Variants in TGS1 observed in about 807,000 individuals in gnomAD.
The protein encoded by TGS1 is trimethylguanosine synthase.
Under a neutral mutation model 92.2 loss-of-function variants are expected in TGS1, and 69 were observed. The observed-to-expected ratio is 0.75, with a 90% CI of 0.62 to 0.91. TGS1 has a LOEUF of 0.91. Ranked by LOEUF, TGS1 falls within the 40% of genes least tolerant of loss-of-function variation. TGS1 has a pLI of 0.00. For missense variants in TGS1, 1,062 were observed against 1,001.2 expected, an observed-to-expected ratio of 1.06 and a Z score of -0.82; for synonymous variants, 345 against 338.1, an observed-to-expected ratio of 1.02 and a Z score of -0.22.
At chr8:55,774,205 T>C (rs1339750144) in intron 1 of TGS1, among the ~76,000 whole-genome samples, 1 of 152,238 alleles carries the variant, frequency 6.6e-6, no homozygotes, top group Non-Finnish European at 1.5e-5. Flanking sequence ...ATATCTTTAT[T>C]TTGGGGAAAT....
intron 5 of TGS1, among the ~76,000 whole-genome samples, chr8:55,791,768 C>A (rs545927206): frequency 2.6e-5 from 4 of 151,942 alleles, no homozygotes; most frequent in Admixed American, 6.6e-5. Flanking sequence ...AATAAAAGTT[C>A]TTTTTTTTGG....
intron 1 of TGS1, among the ~76,000 whole-genome samples, chr8:55,782,023 T>A (rs1474790718): frequency 2.6e-5 from 4 of 152,196 alleles, no homozygotes; most frequent in African/African-American, 9.7e-5. Context: ...AATGGATTAG[T>A]GTCTGCATAT....
rs764895274 is a variant in TGS1, at chr8:55,786,489, A to T, written c.591A>T (p.Lys197Asn). 3.1e-6 allele frequency: 5 copies of T among 1,614,014 alleles called. No homozygotes were observed. In the African/African-American group the frequency reaches 6.7e-5, roughly 22 times the overall value. Residue 197 changes from lysine to asparagine, a missense_variant, in exon 4 of 13, where the codon AAA becomes AAT. Coordinates refer to ENST00000260129, the MANE Select transcript of TGS1 (RefSeq NM_024831.8). ...TLSPKLEITE[K>N]WEKYWNEYGG... ...CTCCAAAGCTAGAAATTACAGAGAA[A>T]TGGGAAAAGTATTGGAATGAATATG...
rs1443256080 is a variant in TGS1, at chr8:55,800,096, C to A, written c.1849+876C>A. Among the ~76,000 whole-genome samples, 6 of 151,772 alleles carry A rather than the reference C, an allele frequency of 4.0e-5. No homozygotes were observed. In the East Asian group the frequency reaches 1.2e-3, roughly 29 times the overall value. ...ATGAAACCATTATATTTATTGTGAT[C>A]CTTCATCATATTTCTTTATTACTAT... On this transcript the variant is annotated intron_variant, in intron 8 of 12. Coordinates refer to ENST00000260129, the MANE Select transcript of TGS1 (RefSeq NM_024831.8).
rs555909473 is a variant in TGS1 at position 55,809,321 on chromosome 8, G to A, written c.2144-1560G>A. ...TCCAGTAGTTTAGCAACAGTACTGC[G>A]TGGTAGAACTCTTTGTGATGACTTA... On this transcript the variant is annotated intron_variant, in intron 10 of 12. Transcript: ENST00000260129. Among the ~76,000 whole-genome samples the A allele has an allele frequency of 3.3e-5, 5 of 152,294 alleles. No individual in the cohort carries two copies. In the East Asian group the frequency reaches 5.8e-4, roughly 18 times the overall value.
chr8:55,788,981 C>G (rs745353302), intron 4 of TGS1, among the ~76,000 whole-genome samples: 3 of 152,126 alleles, frequency 2.0e-5, no homozygotes, highest in Non-Finnish European at 2.9e-5. Context: ...CCTTCTGTTG[C>G]TTGTTCCCTT....
intron 6 of TGS1, among the ~76,000 whole-genome samples, chr8:55,795,647 T>C (rs1289036195): frequency 6.6e-6 from 1 of 152,228 alleles, no homozygotes; most frequent in Non-Finnish European, 1.5e-5. Context: ...ATATTTATAT[T>C]TCCCTAACAA....
At chr8:55,789,282 A>G (rs1217041294) in intron 4 of TGS1, among the ~76,000 whole-genome samples, 1 of 152,202 alleles carries the variant, frequency 6.6e-6, no homozygotes, top group Non-Finnish European at 1.5e-5. Context: ...TTTGTGCCTC[A>G]GTTTTTGTCA....
intron 12 of TGS1, among the ~76,000 whole-genome samples, chr8:55,821,870 A>G (rs1803648516): frequency 6.6e-6 from 1 of 151,696 alleles, no homozygotes; most frequent in South Asian, 2.1e-4. Flanking sequence ...GCGAGACTCC[A>G]TCTCAAAAAA....
intron 2 of TGS1, among the ~76,000 whole-genome samples, chr8:55,783,855 G>A (rs188691078): frequency 6.6e-6 from 1 of 152,270 alleles, no homozygotes; most frequent in African/African-American, 2.4e-5. Context: ...TACAAATAAA[G>A]TTCCTATAAC....
At chr8:55,814,657 C>CT (rs1370858095) in intron 12 of TGS1, among the ~76,000 whole-genome samples, 159 of 106,530 alleles carry the variant, frequency 1.5e-3, no homozygotes, top group African/African-American at 6.5e-3. Flanking sequence ...CCCGTCTCTA[C>CT]TTAAAAAAAA....
intron 2 of TGS1, among the ~76,000 whole-genome samples, chr8:55,785,300 C>T (rs1034971856): frequency 4.6e-5 from 7 of 152,150 alleles, no homozygotes; most frequent in Non-Finnish European, 1.0e-4. Context: ...AAGTGATCCG[C>T]CTGCCTCAGC....
chr8:55,818,355 T>A (rs1323867921), intron 12 of TGS1, among the ~76,000 whole-genome samples: 1 of 152,166 alleles, frequency 6.6e-6, no homozygotes, highest in Non-Finnish European at 1.5e-5. Context: ...TATTTTTTTG[T>A]AGAGATGGGG....
intron 2 of TGS1, among the ~76,000 whole-genome samples, chr8:55,785,079 T>G (rs755356969): frequency 6.6e-6 from 1 of 151,788 alleles, no homozygotes; most frequent in Non-Finnish European, 1.5e-5. Context: ...TTTGTTTTTT[T>G]TTTGAGACAG....
intron 9 of TGS1, among the ~76,000 whole-genome samples, chr8:55,802,879 A>C (rs1487592659): frequency 6.6e-6 from 1 of 152,236 alleles, no homozygotes; most frequent in African/African-American, 2.4e-5. Flanking sequence ...ATAGTGAATT[A>C]TCAACTTAAC....
rs1002595609 is a variant in TGS1, at chr8:55,792,792, T to C, written c.1367+8T>C. On this transcript the variant is annotated splice_region_variant and intron_variant, in intron 6 of 12. Coordinates refer to ENST00000260129, the MANE Select transcript of TGS1 (RefSeq NM_024831.8). The stretch of plus-strand genomic sequence containing the variant: ...GTATGGCTCAGGACAAAAGTAATTA[T>C]TCATAAAAGCTATTGTTTTCCAGAA... The C allele has an allele frequency of 1.3e-6, 2 of 1,598,314 alleles. No homozygotes were observed. Among genetic ancestry groups the C allele is most frequent in the African/African-American group, 2.7e-5 (2 of 74,588 alleles).
intron 12 of TGS1, among the ~76,000 whole-genome samples, chr8:55,813,424 T>G (rs77838741): frequency 0.014 from 2,058 of 152,280 alleles, 47 homozygotes; most frequent in African/African-American, 0.046. Context: ...TTTTTATTTG[T>G]TTCAGCCTGG....
chr8:55,811,634 G>A (rs1007615372), intron 11 of TGS1, among the ~76,000 whole-genome samples: 3 of 151,634 alleles, frequency 2.0e-5, no homozygotes, highest in East Asian at 3.9e-4. Flanking sequence ...GGTGGCACGC[G>A]CCTGTACTCC....
intron 10 of TGS1, among the ~76,000 whole-genome samples, chr8:55,808,888 C>T (rs749188085): frequency 2.0e-5 from 3 of 152,182 alleles, no homozygotes; most frequent in Non-Finnish European, 4.4e-5. Flanking sequence ...GTTATCAATA[C>T]TCCTCCTAGT....
Sources: allele counts gnomAD v4.1 joint callset (sites outside exome capture counted in the v4.1 genomes callset), GRCh38; gene constraint gnomAD v4.1.1; transcripts MANE v1.5; gene names NCBI Gene and HGNC (gene_info 2026-07-23, HGNC 2026-07-21).